The following SLC25A17 variants were observed in gnomAD, a reference collection of about 807,000 sequenced individuals.
SLC25A17 encodes the protein solute carrier family 25 member 17.
In SLC25A17, 26 loss-of-function variants were observed where a neutral mutation model predicts 38.5. The observed-to-expected ratio is 0.68, with a 90% CI of 0.50 to 0.94. SLC25A17 has a LOEUF of 0.94. SLC25A17 is among the 40% of genes least tolerant of loss of function. The pLI is 0.00. For synonymous variants in SLC25A17, 139 were observed against 136.2 expected, an observed-to-expected ratio of 1.02 and a Z score of -0.14; for missense variants, 333 against 372.7, an observed-to-expected ratio of 0.89 and a Z score of 0.88.
intron 1 of SLC25A17, among the ~76,000 whole-genome samples, chr22:40,817,894 G>C (rs905646673): frequency 1.3e-5 from 2 of 152,160 alleles, no homozygotes; most frequent in African/African-American, 4.8e-5. Context: ...TCACGCAAGC[G>C]TCCATCTCAG....
intron 1 of SLC25A17, among the ~76,000 whole-genome samples, chr22:40,817,701 C>T (rs756943178): frequency 1.3e-5 from 2 of 152,258 alleles, no homozygotes; most frequent in African/African-American, 4.8e-5. Flanking sequence ...AATTGCTTGT[C>T]CCCTGTTCCC....
At chr22:40,805,794 A>T (rs1253844031) in intron 1 of SLC25A17, among the ~76,000 whole-genome samples, 2 of 152,134 alleles carry the variant, frequency 1.3e-5, no homozygotes, top group African/African-American at 4.8e-5. Context: ...CATCAGTCTG[A>T]TCTACAGATC....
intron 4 of SLC25A17, among the ~76,000 whole-genome samples, chr22:40,786,392 A>G (rs1252540478): frequency 6.6e-6 from 1 of 151,866 alleles, no homozygotes; most frequent in Non-Finnish European, 1.5e-5. Context: ...GTGGTGGTGG[A>G]GAGGAAAGTA....
At chr22:40,796,915 C>A (rs1440885160) in intron 2 of SLC25A17, among the ~76,000 whole-genome samples, 1 of 151,986 alleles carries the variant, frequency 6.6e-6, no homozygotes, top group Admixed American at 6.6e-5. Context: ...CAGAAGGCAT[C>A]TAAAACATAC....
chr22:40,802,897 T>C (rs1159958030), intron 1 of SLC25A17, among the ~76,000 whole-genome samples: 1 of 152,208 alleles, frequency 6.6e-6, no homozygotes, highest in Non-Finnish European at 1.5e-5. Context: ...ATAAGTGCCA[T>C]GTAATAATTG....
At chr22:40,797,188 T>A in intron 2 of SLC25A17, 1 of 554,590 alleles carries the variant, frequency 1.8e-6, no homozygotes, top group East Asian at 6.8e-5. Context: ...GCCTGTTGAA[T>A]CATGTAAAAT....
At chr22:40,780,932 G>C (rs1439015604) in intron 4 of SLC25A17, among the ~76,000 whole-genome samples, 1 of 152,028 alleles carries the variant, frequency 6.6e-6, no homozygotes, top group Non-Finnish European at 1.5e-5. Context: ...CACTTTGAGA[G>C]GCTGATATGG....
chr22:40,806,509 C>T (rs772971849), intron 1 of SLC25A17, among the ~76,000 whole-genome samples: 6 of 151,968 alleles, frequency 3.9e-5, no homozygotes, highest in Non-Finnish European at 8.8e-5. Flanking sequence ...TAAAAACCTA[C>T]AGGGTTATGA....
At position 40,807,970 on chromosome 22, in the gene SLC25A17, T is replaced by C. The variant is rs186590355; in HGVS notation, c.55-8887A>G. Among the ~76,000 whole-genome samples the C allele has an allele frequency of 1.6e-3, 240 of 152,298 alleles. 2 individuals carry two copies. Among genetic ancestry groups the C allele is most frequent in the African/African-American group, 5.7e-3 (235 of 41,570 alleles). On this transcript the variant is annotated intron_variant, in intron 1 of 8. Coordinates refer to ENST00000435456, the MANE Select transcript of SLC25A17 (RefSeq NM_006358.4). Reference sequence around the variant, plus strand: ...AACTTTTCAGAATTTGAATTAAATTTATCTTAACATAAACACTCATTTTTT... The same window carrying C: ...AACTTTTCAGAATTTGAATTAAATTCATCTTAACATAAACACTCATTTTTT...
intron 4 of SLC25A17, chr22:40,779,364 T>C: frequency 9.4e-7 from 1 of 1,058,400 alleles, no homozygotes; most frequent in East Asian, 2.6e-5. Context: ...TGAAGAGCAA[T>C]AAGTTCCCTC....
At chr22:40,812,868 A>G (rs1050121601) in intron 1 of SLC25A17, among the ~76,000 whole-genome samples, 2 of 152,168 alleles carry the variant, frequency 1.3e-5, no homozygotes, top group African/African-American at 4.8e-5. Flanking sequence ...CTTAGTCTCA[A>G]AACAAATAAA....
intron 2 of SLC25A17, 22 bp downstream of exon 2, chr22:40,799,001 T>C (rs770831483): frequency 2.0e-6 from 3 of 1,505,784 alleles, no homozygotes; most frequent in South Asian, 1.1e-5. Flanking sequence ...ACCATACAAA[T>C]AGGAGTATGA....
chr22:40,783,621 A>C (rs918584306), intron 4 of SLC25A17, among the ~76,000 whole-genome samples: 1 of 151,142 alleles, frequency 6.6e-6, no homozygotes, highest in African/African-American at 2.4e-5. Context: ...ATTTATTTTT[A>C]ATTTTTTACC....
chr22:40,790,731 A>G (rs2057378481), intron 4 of SLC25A17, among the ~76,000 whole-genome samples: 1 of 152,350 alleles, frequency 6.6e-6, no homozygotes, highest in African/African-American at 2.4e-5. Context: ...AAAGATTTCA[A>G]CATATAGTCC....
chr22:40,772,123 C>A (rs573880695), intron 8 of SLC25A17, among the ~76,000 whole-genome samples: 1 of 151,676 alleles, frequency 6.6e-6, no homozygotes, highest in South Asian at 2.1e-4. Context: ...TGGCTGGGTC[C>A]TATAATAGGT....
At chr22:40,818,309 AG>A (rs1302838081) in intron 1 of SLC25A17, among the ~76,000 whole-genome samples, 1 of 152,218 alleles carries the variant, frequency 6.6e-6, no homozygotes, top group Non-Finnish European at 1.5e-5. Flanking sequence ...TAAGGAAAAG[AG>A]GGGAGAGGGG....
Position 40,770,784 on chromosome 22 carries a change from G to A in SLC25A17, c.*50C>T, listed in dbSNP as rs777115951. ...GGGAGAATCACTTCTCTTCACTCAG[G>A]AGGAAACCTCCCTCTTGAGCATCTT... On this transcript the variant is annotated 3_prime_UTR_variant, in exon 9 of 9. Coordinates refer to ENST00000435456, the MANE Select transcript of SLC25A17 (RefSeq NM_006358.4). The A allele has an allele frequency of 3.2e-6, 5 of 1,556,450 alleles. No homozygotes were observed. In the East Asian group the frequency reaches 1.1e-4, roughly 36 times the overall value.
intron 2 of SLC25A17, among the ~76,000 whole-genome samples, chr22:40,797,538 T>C (rs1047145023): frequency 6.6e-6 from 1 of 152,190 alleles, no homozygotes; most frequent in Admixed American, 6.5e-5. Context: ...TATGGCTTCT[T>C]AGAAAAGGAT....
At position 40,771,037 on chromosome 22, in the gene SLC25A17, C is replaced by T. The variant is rs191188780; in HGVS notation, c.777-56G>A. The T allele has an allele frequency of 8.3e-5, 118 of 1,413,954 alleles. 2 individuals are homozygous for T. The South Asian group carries it at 9.0e-4, about 11-fold the overall frequency. The allele number at this position is 1,413,954 out of a possible 1,614,324, so 87.6% of individuals were successfully genotyped here. Reference sequence around the variant, plus strand: ...GTCAGCTCCTGCATCAGAGAACATGCTACCTAGATAGCTACTTTGATAAGA... The same window carrying T: ...GTCAGCTCCTGCATCAGAGAACATGTTACCTAGATAGCTACTTTGATAAGA... On this transcript the variant is annotated intron_variant, in intron 8 of 8. Transcript: ENST00000435456.
Sources: allele counts gnomAD v4.1 joint callset (sites outside exome capture counted in the v4.1 genomes callset), GRCh38; gene constraint gnomAD v4.1.1; transcripts MANE v1.5; gene names NCBI Gene and HGNC (gene_info 2026-07-23, HGNC 2026-07-21).